ADGRL2: variants seen among roughly 807,000 people sequenced by gnomAD.
ADGRL2 encodes calcium-independent alpha-latrotoxin receptor 2.
In ADGRL2, 44 loss-of-function variants were observed where a neutral mutation model predicts 157.4. The ratio of observed to expected loss-of-function variants is 0.28; its 90% CI spans 0.22 to 0.36. The LOEUF is 0.36. Ranked by LOEUF, ADGRL2 falls within the 10% of genes least tolerant of loss-of-function variation. The probability of loss-of-function intolerance (pLI) is 1.00; values close to 1 mark genes in which losing one functional copy is unlikely to be tolerated. For synonymous variants in ADGRL2, 585 were observed against 624.7 expected, an observed-to-expected ratio of 0.94 and a Z score of 0.95; for missense variants, 1,510 against 1,768.9, an observed-to-expected ratio of 0.85 and a Z score of 2.63.
At chr1:81,861,741 TAGCC>T (rs1051751437) in intron 2 of ADGRL2, among the ~76,000 whole-genome samples, 13 of 151,992 alleles carry the variant, frequency 8.6e-5, no homozygotes, top group African/African-American at 2.9e-4. Flanking sequence ...ATACAAAAAC[TAGCC>T]AGTTGTGGTG....
intron 1 of ADGRL2, among the ~76,000 whole-genome samples, chr1:81,748,761 G>A (rs1054977803): frequency 5.9e-5 from 9 of 151,666 alleles, no homozygotes; most frequent in Admixed American, 2.0e-4. Flanking sequence ...TCCACCTCCC[G>A]GGTTCAAACG....
chr1:81,983,380 ATGCTTTGAAGAC>A (rs1319089158), intron 19 of ADGRL2, among the ~76,000 whole-genome samples: 2 of 152,010 alleles, frequency 1.3e-5, no homozygotes, highest in African/African-American at 4.8e-5. Context: ...GGCCAAGAAA[ATGCTTTGAAGAC>A]TCAACCACAT....
At chr1:81,465,209 A>T (rs1461357826) in intron 2 of ADGRL2, among the ~76,000 whole-genome samples, 1 of 152,288 alleles carries the variant, frequency 6.6e-6, no homozygotes, top group East Asian at 1.9e-4. Context: ...AAAAGCAATA[A>T]TTCTTTCAAT....
chr1:81,746,526 G>A lies in ADGRL2; in HGVS notation c.-142-15285G>A, dbSNP rs142958131. On this transcript the variant is annotated intron_variant, in intron 1 of 20. Coordinates refer to the ADGRL2 transcript ENST00000359929. ...GCTGGTCTTGAAATCCTGGGCTCAAGGGATCCATCTGCCTTGGCCTCCCAA... is the reference window on the plus strand; with the variant it reads ...GCTGGTCTTGAAATCCTGGGCTCAAAGGATCCATCTGCCTTGGCCTCCCAA... Among the ~76,000 whole-genome samples, 1,389 of 152,218 alleles carry A rather than the reference G, an allele frequency of 9.1e-3. 27 individuals are homozygous for A. Among genetic ancestry groups the A allele is most frequent in the African/African-American group, 0.031 (1,308 of 41,538 alleles).
intron 2 of ADGRL2, among the ~76,000 whole-genome samples, chr1:81,523,628 A>G (rs2079377448): frequency 6.6e-6 from 1 of 152,214 alleles, no homozygotes; most frequent in Admixed American, 6.5e-5. Flanking sequence ...TACAAATCGA[A>G]ATCACCCAAA....
At chr1:81,430,028 G>A (rs890600829) in intron 1 of ADGRL2, among the ~76,000 whole-genome samples, 1 of 152,110 alleles carries the variant, frequency 6.6e-6, no homozygotes, top group Non-Finnish European at 1.5e-5. Context: ...CGAGTAGCTG[G>A]GATTACAGGC....
At chr1:81,313,802 A>T (rs544306686) in intron 1 of ADGRL2, among the ~76,000 whole-genome samples, 2 of 152,288 alleles carry the variant, frequency 1.3e-5, no homozygotes, top group South Asian at 2.1e-4. Context: ...TTTGGAAACT[A>T]TGTAAATGAA....
chr1:81,845,249 C>T (rs1295375363), intron 2 of ADGRL2, among the ~76,000 whole-genome samples: 4 of 151,858 alleles, frequency 2.6e-5, no homozygotes, highest in African/African-American at 4.8e-5. Flanking sequence ...TTATTTAATC[C>T]TCCTTTTCTA....
rs1316782814 is a variant in ADGRL2, at chr1:81,531,766, TGA to T, written c.-247-49109_-247-49108del. 2.0e-5 allele frequency among the ~76,000 whole-genome samples: 3 copies of T among 152,306 alleles called. No individual in the cohort carries two copies. The East Asian group carries it at 5.8e-4, about 29-fold the overall frequency. On this transcript the variant is annotated intron_variant, in intron 2 of 24. Transcript: ENST00000370721. Reference sequence around the variant, plus strand: ...GTTAGGGCTAGGATCGTGTCTAGAATGAAGGGCCTATATTAGTTATTGGCTGG... The same window carrying T: ...GTTAGGGCTAGGATCGTGTCTAGAATAGGGCCTATATTAGTTATTGGCTGG...
intron 1 of ADGRL2, among the ~76,000 whole-genome samples, chr1:81,827,637 C>T (rs1024423278): frequency 2.0e-5 from 3 of 152,138 alleles, no homozygotes; most frequent in African/African-American, 4.8e-5. Flanking sequence ...GCGATCTTGG[C>T]GCACTACACC....
chr1:81,606,040 A>G (rs2081425722), intron 3 of ADGRL2, among the ~76,000 whole-genome samples: 1 of 152,154 alleles, frequency 6.6e-6, no homozygotes, highest in South Asian at 2.1e-4. Flanking sequence ...CAAGTACTAC[A>G]CTGTACTGTC....
chr1:81,545,988 G>C (rs1055293559), intron 2 of ADGRL2, among the ~76,000 whole-genome samples: 10 of 152,300 alleles, frequency 6.6e-5, no homozygotes, highest in African/African-American at 2.4e-4. Context: ...TGGATCAGCT[G>C]TTTATCCTGC....
intron 1 of ADGRL2, among the ~76,000 whole-genome samples, chr1:81,744,221 G>T (rs1485134775): frequency 6.6e-6 from 1 of 152,054 alleles, no homozygotes; most frequent in Admixed American, 6.6e-5. Flanking sequence ...AATTTCATGA[G>T]AAATCACTAT....
intron 2 of ADGRL2, among the ~76,000 whole-genome samples, chr1:81,883,392 C>G (rs566010527): frequency 6.6e-6 from 1 of 152,284 alleles, no homozygotes; most frequent in Admixed American, 6.5e-5. Flanking sequence ...ATGTTCTTCT[C>G]ACATCTACTT....
intron 2 of ADGRL2, among the ~76,000 whole-genome samples, chr1:81,878,938 C>T (rs1021947652): frequency 2.7e-4 from 41 of 152,086 alleles, no homozygotes; most frequent in African/African-American, 8.5e-4. Flanking sequence ...TGTTTTAAAA[C>T]GTGTATACAT....
At chr1:81,650,590 A>AAAAAAAAAAAAG (rs1557536790) in intron 3 of ADGRL2, among the ~76,000 whole-genome samples, 1 of 147,952 alleles carries the variant, frequency 6.8e-6, no homozygotes, top group African/African-American at 2.5e-5. Context: ...AAAAAAAAAA[A>AAAAAAAAAAAAG]AAAGAAAAAG....
intron 2 of ADGRL2, among the ~76,000 whole-genome samples, chr1:81,575,621 C>T (rs892028106): frequency 3.3e-5 from 5 of 151,982 alleles, no homozygotes; most frequent in African/African-American, 4.8e-5. Flanking sequence ...TTATAAAATG[C>T]CTGCTTGTAA....
intron 1 of ADGRL2, among the ~76,000 whole-genome samples, chr1:81,811,157 A>C (rs898434004): frequency 6.6e-6 from 1 of 151,900 alleles, no homozygotes; most frequent in African/African-American, 2.4e-5. Flanking sequence ...AAAACCCCAC[A>C]AAAAACACTG....
intron 2 of ADGRL2, among the ~76,000 whole-genome samples, chr1:81,459,056 T>G (rs77422591): frequency 6.6e-6 from 1 of 152,162 alleles, no homozygotes; most frequent in African/African-American, 2.4e-5. Context: ...CAAAAGCAGA[T>G]AGCCATCTGT....
Sources: gnomAD v4.1 joint callset for allele counts (sites outside exome capture counted in the v4.1 genomes callset) on GRCh38, gnomAD v4.1.1 for gene constraint, MANE v1.5 for transcripts, NCBI Gene and HGNC (gene_info 2026-07-23, HGNC 2026-07-21) for gene names.